Variants in ATL2 observed in about 807,000 individuals in gnomAD.
ATL2 encodes atlastin GTPase 2.
A neutral mutation model predicts 73.9 loss-of-function variants in ATL2; 31 were observed. That is an observed-to-expected ratio of 0.42 (90% CI 0.32 to 0.57). The LOEUF (loss-of-function observed/expected upper bound fraction) is 0.57. Among genes scored for constraint, ATL2 ranks in the 20% least tolerant of loss-of-function variants. The pLI, the probability that ATL2 is intolerant of heterozygous loss-of-function variation, is 0.14. For synonymous variants in ATL2, 291 were observed against 237.5 expected (o/e 1.23, Z -2.07); for missense variants, 738 against 702.6 (o/e 1.05, Z -0.57).
At chr2:38,361,289 G>A (rs7575354) in intron 1 of ATL2, among the ~76,000 whole-genome samples, 3,302 of 149,066 alleles carry the variant, frequency 0.022, 122 homozygotes, top group African/African-American at 0.077. Flanking sequence ...GGGAGGTGGA[G>A]CCTGCAGCGA....
chr2:38,364,444 G>A lies in ATL2; in HGVS notation c.118+12699C>T, dbSNP rs907769314. Among the ~76,000 whole-genome samples, 16 of 152,114 alleles carry A rather than the reference G, an allele frequency of 1.1e-4. 1 individual carries two copies. Among genetic ancestry groups the A allele is most frequent in the African/African-American group, 3.9e-4 (16 of 41,424 alleles). On this transcript the variant is annotated intron_variant, in intron 1 of 12. Coordinates refer to ENST00000378954, the MANE Select transcript of ATL2 (RefSeq NM_001135673.4). ...CAAATCAGATATAAGGCAATTTCAA[G>A]AGCCCGAATATAAAGTGAGAAGCCC...
chr2:38,345,388 A>G (rs1326969732), intron 1 of ATL2, among the ~76,000 whole-genome samples: 4 of 152,230 alleles, frequency 2.6e-5, no homozygotes, highest in Non-Finnish European at 5.9e-5. Flanking sequence ...TCTTATTACC[A>G]AAAGAAGCAT....
At position 38,309,496 on chromosome 2, in the gene ATL2, T is replaced by C; in HGVS notation, c.954A>G (p.Glu318=). 2 of 1,609,926 alleles carry C rather than the reference T, an allele frequency of 1.2e-6. No homozygotes were observed. The highest frequency in any genetic ancestry group is 1.7e-6 in the Non-Finnish European group (2 of 1,179,168). Residue 318 remains glutamate, a synonymous_variant, in exon 9 of 13, where the codon GAA becomes GAG. Transcript: ENST00000378954. ...SFDGRLKDID[E]DFKRELRNLV... is the part of the protein sequence containing the mutation. The stretch of plus-strand genomic sequence containing the variant: ...GATTTCGAAGCTCTCGTTTAAAGTC[T>C]TCATCAATATCTAGAAAACAAAAAA...
At chr2:38,353,826 A>C (rs953145675) in intron 1 of ATL2, among the ~76,000 whole-genome samples, 3 of 152,240 alleles carry the variant, frequency 2.0e-5, no homozygotes, top group Admixed American at 2.0e-4. Flanking sequence ...GTGTTTTTAA[A>C]AGAAGTGTCA....
intron 4 of ATL2, among the ~76,000 whole-genome samples, chr2:38,318,003 G>T (rs956355125): frequency 6.6e-5 from 10 of 151,928 alleles, no homozygotes; most frequent in African/African-American, 2.4e-4. Context: ...CAATCAAAAG[G>T]CATTTTGCCA....
chr2:38,305,964 G>C (rs1260817442), intron 9 of ATL2, among the ~76,000 whole-genome samples: 2 of 151,996 alleles, frequency 1.3e-5, no homozygotes, highest in Non-Finnish European at 2.9e-5. Flanking sequence ...GCAAAAAGTT[G>C]ATTTTTTAAA....
At chr2:38,296,178 A>T in intron 12 of ATL2, 65 bp from the exon 13 acceptor site, 1 of 1,470,878 alleles carries the variant, frequency 6.8e-7, no homozygotes, top group South Asian at 1.4e-5. Context: ...ACATATAAAA[A>T]TAGATATAAA....
chr2:38,327,734 G>A (rs964355999), intron 2 of ATL2, among the ~76,000 whole-genome samples: 45 of 152,114 alleles, frequency 3.0e-4, no homozygotes, highest in Non-Finnish European at 2.6e-4. Flanking sequence ...TCAGGAGTTC[G>A]TGATCAGTCT....
chr2:38,362,660 T>C (rs1671077771), intron 1 of ATL2, among the ~76,000 whole-genome samples: 1 of 152,236 alleles, frequency 6.6e-6, no homozygotes, highest in African/African-American at 2.4e-5. Flanking sequence ...CAATAGTCAC[T>C]GAACACCTAC....
chr2:38,358,467 C>G, intron 1 of ATL2: 1 of 179,134 alleles, frequency 5.6e-6, no homozygotes, highest in South Asian at 7.6e-5. Context: ...CTTTGGGAGG[C>G]CAAGGCGGGC....
At position 38,294,323 on chromosome 2, in the gene ATL2, C is replaced by G. The variant is rs979522189; in HGVS notation, c.*1671G>C. Among the ~76,000 whole-genome samples the G allele has an allele frequency of 6.6e-6, 1 of 152,164 alleles. No individual in the cohort carries two copies. The highest frequency in any genetic ancestry group is 1.5e-5 in the Non-Finnish European group (1 of 68,040). ...CAACACTTTGGGAGGCCAAGGCAGG[C>G]GGATCACAAGGTCAGGCGATTGAGA... On this transcript the variant is annotated 3_prime_UTR_variant, in exon 13 of 13. Transcript: ENST00000378954.
intron 12 of ATL2, 189 bp from the exon 13 acceptor site, chr2:38,296,302 T>G: frequency 1.4e-6 from 2 of 1,441,766 alleles, no homozygotes; most frequent in Non-Finnish European, 1.8e-6. Flanking sequence ...AAAAATTACT[T>G]TCCTCTTATT....
At chr2:38,366,567 A>G (rs944399517) in intron 1 of ATL2, among the ~76,000 whole-genome samples, 2 of 152,178 alleles carry the variant, frequency 1.3e-5, no homozygotes, top group African/African-American at 4.8e-5. Context: ...TTGCTCTCTA[A>G]GATCTACCCA....
At chr2:38,351,215 A>G (rs1303472103) in intron 1 of ATL2, among the ~76,000 whole-genome samples, 1 of 152,174 alleles carries the variant, frequency 6.6e-6, no homozygotes, top group African/African-American at 2.4e-5. Flanking sequence ...GAACCTCAAC[A>G]TTTATATTTC....
In ATL2 at chr2:38,310,392, C is replaced by CAATT; in HGVS notation, c.856_859dup (p.Cys287Ter). On this transcript the variant is annotated stop_gained and frameshift_variant, in exon 8 of 13. Transcript: ENST00000378954. LOFTEE classifies it high-confidence loss of function. Reference sequence around the variant, plus strand: ...AAGGAAGCAACCAAGATTTGAGAAACAATTGTGTATGTGCTTCCTTACATT... The same window carrying CAATT: ...AAGGAAGCAACCAAGATTTGAGAAACAATTAATTGTGTATGTGCTTCCTTACATT... The CAATT allele has an allele frequency of 1.2e-6, 2 of 1,612,808 alleles. No individual in the cohort carries two copies. The highest frequency in any genetic ancestry group is 1.7e-6 in the Non-Finnish European group (2 of 1,179,508).
chr2:38,321,281 C>A (rs11895937), intron 2 of ATL2, among the ~76,000 whole-genome samples: 49,905 of 152,046 alleles, frequency 0.33, 8,461 homozygotes, highest in South Asian at 0.47. Context: ...AACTCCCATC[C>A]CCAGTAGGCC....
At chr2:38,363,344 A>C (rs1000482192) in intron 1 of ATL2, among the ~76,000 whole-genome samples, 15 of 146,088 alleles carry the variant, frequency 1.0e-4, no homozygotes, top group Admixed American at 3.4e-4. Flanking sequence ...AAAGCTACCA[A>C]AAATACAAGT....
intron 1 of ATL2, chr2:38,354,111 G>C (rs537787581): frequency 2.5e-6 from 1 of 404,166 alleles, no homozygotes; most frequent in Admixed American, 2.9e-5. Flanking sequence ...GGAATCACTT[G>C]AACCCGGGAG....
At chr2:38,352,732 T>C (rs1292635758) in intron 1 of ATL2, among the ~76,000 whole-genome samples, 1 of 152,220 alleles carries the variant, frequency 6.6e-6, no homozygotes, top group East Asian at 1.9e-4. Context: ...ACCTTAGGCA[T>C]CAAGCTGAGA....
Sources: gnomAD v4.1 joint callset for allele counts (sites outside exome capture counted in the v4.1 genomes callset) on GRCh38, gnomAD v4.1.1 for gene constraint, MANE v1.5 for transcripts, NCBI Gene and HGNC (gene_info 2026-07-23, HGNC 2026-07-21) for gene names.